Variants in HS2ST1 observed in about 807,000 individuals in gnomAD.
HS2ST1 encodes the protein 2-O-sulfotransferase.
Under a neutral mutation model 42.9 loss-of-function variants are expected in HS2ST1, and 18 were observed. The ratio of observed to expected loss-of-function variants is 0.42; its 90% CI spans 0.29 to 0.62. HS2ST1 has a LOEUF of 0.62. HS2ST1 is among the 20% of genes least tolerant of loss of function. The pLI, the probability that HS2ST1 is intolerant of heterozygous loss-of-function variation, is 0.21. For missense variants in HS2ST1, 334 were observed against 433.8 expected (o/e 0.77, Z 2.04); for synonymous variants, 146 against 152.9 (o/e 0.95, Z 0.33).
chr1:87,045,067 C>T, intron 1 of HS2ST1: 1 of 1,082,826 alleles, frequency 9.2e-7, no homozygotes, highest in South Asian at 1.3e-5. Context: ...TTTGAAGAAT[C>T]TTCTTCATCC....
At chr1:87,050,387 T>C (rs1650801984) in intron 1 of HS2ST1, among the ~76,000 whole-genome samples, 1 of 151,994 alleles carries the variant, frequency 6.6e-6, no homozygotes, top group African/African-American at 2.4e-5. Context: ...TTATTTAGAC[T>C]TATTATTTCT....
intron 5 of HS2ST1, among the ~76,000 whole-genome samples, chr1:87,102,055 T>TTAG (rs1460071269): frequency 1.3e-5 from 2 of 151,862 alleles, no homozygotes; most frequent in Non-Finnish European, 2.9e-5. Flanking sequence ...TCGTTTATTA[T>TTAG]TATTATTATT....
At chr1:86,956,021 G>C (rs1426993925) in intron 1 of HS2ST1, among the ~76,000 whole-genome samples, 3 of 152,022 alleles carry the variant, frequency 2.0e-5, no homozygotes, top group Admixed American at 6.6e-5. Context: ...AGAAATAGTT[G>C]ATCTGCATAT....
At chr1:86,919,960 C>G (rs1660257423) in intron 1 of HS2ST1, among the ~76,000 whole-genome samples, 1 of 152,168 alleles carries the variant, frequency 6.6e-6, no homozygotes, top group Admixed American at 6.5e-5. Flanking sequence ...TGACTCGTTA[C>G]TATAAAATGT....
Position 86,963,506 on chromosome 1 carries a change from C to G in HS2ST1, c.124+48346C>G, listed in dbSNP as rs541969148. On this transcript the variant is annotated intron_variant, in intron 1 of 6. Coordinates refer to ENST00000370550, the MANE Select transcript of HS2ST1 (RefSeq NM_012262.4). ...GTCATAGATCAACAGCATCCCAAGGCAGAATTTTTCTTAGTACAGAACAAA... is the reference window on the plus strand; with the variant it reads ...GTCATAGATCAACAGCATCCCAAGGGAGAATTTTTCTTAGTACAGAACAAA... Among the ~76,000 whole-genome samples the G allele has an allele frequency of 2.0e-3, 309 of 152,304 alleles. 1 individual carries two copies. Among genetic ancestry groups the G allele is most frequent in the African/African-American group, 7.1e-3 (297 of 41,568 alleles).
At chr1:86,987,932 G>A (rs946705639) in intron 1 of HS2ST1, among the ~76,000 whole-genome samples, 1 of 151,912 alleles carries the variant, frequency 6.6e-6, no homozygotes, top group East Asian at 1.9e-4. Context: ...TACCTTTTTT[G>A]TCTGTGGCCA....
In HS2ST1 at chr1:86,992,213, C is replaced by A. The variant is rs537059596; in HGVS notation, c.124+77053C>A. Among the ~76,000 whole-genome samples the A allele has an allele frequency of 1.2e-3, 176 of 151,644 alleles. 1 individual carries two copies. The highest frequency in any genetic ancestry group is 4.0e-3 in the African/African-American group (165 of 41,266). ...ACCCCCAAATTCCCCCACTCCTCCA[C>A]CCCTGTTCTGTGAAAAAATTGTCTT... On this transcript the variant is annotated intron_variant, in intron 1 of 6. Transcript: ENST00000370550.
intron 1 of HS2ST1, chr1:86,935,016 C>T (rs1379384462): frequency 1.3e-5 from 2 of 150,170 alleles, no homozygotes; most frequent in Non-Finnish European, 3.0e-5. Context: ...GACTTCCAAG[C>T]TCTGTCCACA....
intron 3 of HS2ST1, among the ~76,000 whole-genome samples, chr1:87,085,095 T>C (rs982660300): frequency 2.0e-5 from 3 of 152,210 alleles, no homozygotes; most frequent in African/African-American, 7.2e-5. Context: ...AACAGTCTTA[T>C]GGATACATTT....
intron 1 of HS2ST1, among the ~76,000 whole-genome samples, chr1:86,979,173 T>C (rs1408853331): frequency 6.6e-6 from 1 of 152,188 alleles, no homozygotes; most frequent in African/African-American, 2.4e-5. Context: ...TTTATTCTTA[T>C]TTGCTTTTCA....
At chr1:87,071,657 G>A (rs1651407688) in intron 1 of HS2ST1, among the ~76,000 whole-genome samples, 1 of 151,626 alleles carries the variant, frequency 6.6e-6, no homozygotes, top group African/African-American at 2.4e-5. Context: ...GAACCCAGGA[G>A]GCAGAGGTTG....
chr1:87,080,641 T>G (rs944484651), intron 2 of HS2ST1, among the ~76,000 whole-genome samples: 1 of 152,166 alleles, frequency 6.6e-6, no homozygotes, highest in African/African-American at 2.4e-5. Context: ...TACCTAGTTT[T>G]AACATATTAA....
At chr1:86,955,196 G>A (rs550533023) in intron 1 of HS2ST1, among the ~76,000 whole-genome samples, 1 of 152,098 alleles carries the variant, frequency 6.6e-6, no homozygotes, top group Non-Finnish European at 1.5e-5. Context: ...ACTTTTCTTA[G>A]TGCTTATTTC....
intron 1 of HS2ST1, among the ~76,000 whole-genome samples, chr1:87,033,913 T>TA (rs1290595432): frequency 6.6e-6 from 1 of 152,174 alleles, no homozygotes. Flanking sequence ...TTATAGTGAA[T>TA]AACAGTATAC....
rs187629787 is a variant in HS2ST1, at chr1:86,991,283, T to C, written c.124+76123T>C. 7.9e-5 allele frequency among the ~76,000 whole-genome samples: 12 copies of C among 152,226 alleles called. No individual in the cohort carries two copies. The East Asian group carries it at 2.3e-3, about 29-fold the overall frequency. Reference sequence around the variant, plus strand: ...TTGAGCAAGGAATGATTTGCAAATCTGGTAGCCCCCCTGAACATGAAACAT... The same window carrying C: ...TTGAGCAAGGAATGATTTGCAAATCCGGTAGCCCCCCTGAACATGAAACAT... On this transcript the variant is annotated intron_variant, in intron 1 of 6. Coordinates refer to ENST00000370550, the MANE Select transcript of HS2ST1 (RefSeq NM_012262.4).
chr1:86,953,734 G>T lies in HS2ST1; in HGVS notation c.124+38574G>T, dbSNP rs191597120. Among the ~76,000 whole-genome samples the T allele has an allele frequency of 1.1e-3, 166 of 152,172 alleles. 1 individual carries two copies. The highest frequency in any genetic ancestry group is 3.9e-3 in the African/African-American group (160 of 41,514). The stretch of plus-strand genomic sequence containing the variant: ...AGATTGCACCACTGCACTCCATCCT[G>T]GGTGACAGAGTGAGACTCCCGTCTC... On this transcript the variant is annotated intron_variant, in intron 1 of 6. Transcript: ENST00000370550.
chr1:87,026,575 CG>C (rs1650089956), intron 1 of HS2ST1, among the ~76,000 whole-genome samples: 1 of 151,934 alleles, frequency 6.6e-6, no homozygotes. Context: ...ATATAAAAAA[CG>C]GGATATATTG....
chr1:86,945,255 T>C (rs573069034), intron 1 of HS2ST1, among the ~76,000 whole-genome samples: 1 of 152,288 alleles, frequency 6.6e-6, no homozygotes, highest in African/African-American at 2.4e-5. Flanking sequence ...AGATGTGATA[T>C]GGTAGAAATA....
At chr1:87,060,488 G>T (rs1234696962) in intron 1 of HS2ST1, among the ~76,000 whole-genome samples, 1 of 152,084 alleles carries the variant, frequency 6.6e-6, no homozygotes, top group Non-Finnish European at 1.5e-5. Context: ...CCTGACATCA[G>T]TAAACAGCTG....
Sources: gnomAD v4.1 joint callset for allele counts (sites outside exome capture counted in the v4.1 genomes callset) on GRCh38, gnomAD v4.1.1 for gene constraint, MANE v1.5 for transcripts, NCBI Gene and HGNC (gene_info 2026-07-23, HGNC 2026-07-21) for gene names.